ANP32A: variants seen among roughly 807,000 people sequenced by gnomAD.
ANP32A encodes acidic leucine-rich nuclear phosphoprotein 32 family member A.
Under a neutral mutation model 33.9 loss-of-function variants are expected in ANP32A, and 1 was observed. That is an observed-to-expected ratio of 0.03 (90% CI 0.01 to 0.14). The LOEUF (loss-of-function observed/expected upper bound fraction) is 0.14. Among genes scored for constraint, ANP32A ranks in the 10% least tolerant of loss-of-function variants. The pLI, the probability that ANP32A is intolerant of heterozygous loss-of-function variation, is 1.00. For synonymous variants in ANP32A, 115 were observed against 120.5 expected, an observed-to-expected ratio of 0.95 and a Z score of 0.30; for missense variants, 155 against 306.0, an observed-to-expected ratio of 0.51 and a Z score of 3.68.
At chr15:68,784,714 G>A in intron 3 of ANP32A, 119 bp from the exon 4 acceptor site, 1 of 1,180,164 alleles carries the variant, frequency 8.5e-7, no homozygotes, top group Non-Finnish European at 1.2e-6. Context: ...ACTTCCAGGT[G>A]ATAAGGAAGC....
intron 1 of ANP32A, among the ~76,000 whole-genome samples, chr15:68,794,035 TTTC>T (rs1349272751): frequency 1.3e-5 from 2 of 152,192 alleles, no homozygotes; most frequent in Non-Finnish European, 1.5e-5. Flanking sequence ...AAGTTCAATT[TTTC>T]TTCTTTTTAG....
intron 1 of ANP32A, among the ~76,000 whole-genome samples, chr15:68,803,635 A>G (rs1463305359): frequency 6.6e-6 from 1 of 152,072 alleles, no homozygotes; most frequent in African/African-American, 2.4e-5. Flanking sequence ...AAACCCACAC[A>G]CATTTCTTAA....
intron 1 of ANP32A, among the ~76,000 whole-genome samples, chr15:68,816,959 G>A (rs1012316478): frequency 2.4e-4 from 37 of 152,238 alleles, no homozygotes; most frequent in African/African-American, 8.9e-4. Context: ...ACCCAATTAG[G>A]CAGTAAGTCA....
At chr15:68,789,174 A>C (rs1286511041) in intron 1 of ANP32A, 1 of 152,292 alleles carries the variant, frequency 6.6e-6, no homozygotes, top group Non-Finnish European at 1.5e-5. Context: ...CACACCTGGT[A>C]TCTCAAAGAG....
chr15:68,800,835 A>G (rs959681794), intron 1 of ANP32A, among the ~76,000 whole-genome samples: 6 of 151,742 alleles, frequency 4.0e-5, no homozygotes, highest in Non-Finnish European at 7.4e-5. Context: ...AGGCCTATCC[A>G]AAGTGAGCTT....
At chr15:68,787,261 C>T in intron 3 of ANP32A, 152 bp downstream of exon 3, 2 of 1,125,110 alleles carry the variant, frequency 1.8e-6, no homozygotes, top group Non-Finnish European at 2.5e-6. Context: ...TCTATGGACT[C>T]AGCAGAAACA....
intron 1 of ANP32A, among the ~76,000 whole-genome samples, chr15:68,788,736 G>A (rs1893964372): frequency 6.6e-6 from 1 of 152,216 alleles, no homozygotes. Context: ...GAAGGAGAAT[G>A]GAAACCCACA....
At chr15:68,788,035 C>G in intron 1 of ANP32A, 116 bp from the exon 2 acceptor site, 1 of 1,266,328 alleles carries the variant, frequency 7.9e-7, no homozygotes. Flanking sequence ...GTCAGTCACT[C>G]CGTCACTTCT....
At chr15:68,784,353 C>A (rs774793916) in intron 4 of ANP32A, 44 bp downstream of exon 4, 5 of 1,599,446 alleles carry the variant, frequency 3.1e-6, no homozygotes. Flanking sequence ...GCCCCAAGGC[C>A]TCAGCTGGGC....
chr15:68,782,517 T>C (rs1046741736), intron 5 of ANP32A, among the ~76,000 whole-genome samples: 3 of 152,206 alleles, frequency 2.0e-5, no homozygotes, highest in Non-Finnish European at 2.9e-5. Context: ...TCTATTTCCA[T>C]AGTGTCACTC....
At chr15:68,793,417 A>AT (rs1176094470) in intron 1 of ANP32A, among the ~76,000 whole-genome samples, 1 of 152,196 alleles carries the variant, frequency 6.6e-6, no homozygotes, top group East Asian at 1.9e-4. Context: ...CCTGACCTGA[A>AT]TGACCCAGTG....
rs1157512373 is a variant in ANP32A, at chr15:68,780,714, A to T, written c.625-241T>A. 1 of 555,052 alleles carries T rather than the reference A, an allele frequency of 1.8e-6. No individual in the cohort carries two copies. The highest frequency in any genetic ancestry group is 2.8e-5 in the South Asian group (1 of 36,082). The allele number at this position is 555,052 out of a possible 1,614,324, so 34.4% of individuals were successfully genotyped here. On this transcript the variant is annotated intron_variant, in intron 5 of 6. Transcript: ENST00000465139. This position sits in a 1 kb window ranked among gnomAD's most constrained non-coding sequence, Gnocchi z 4.3. ...CCAGAAAATGTCCGTATCATTTATA[A>T]TATTTGCAAGCAGTTTCAGGGGGTT...
intron 1 of ANP32A, chr15:68,791,742 T>A (rs1466113993): frequency 6.6e-6 from 1 of 152,658 alleles, no homozygotes; most frequent in African/African-American, 2.4e-5. Flanking sequence ...CAGGGTGAGA[T>A]CACAGAGGGG....
intron 3 of ANP32A, among the ~76,000 whole-genome samples, chr15:68,785,010 C>G (rs1428028368): frequency 6.6e-6 from 1 of 152,178 alleles, no homozygotes; most frequent in Non-Finnish European, 1.5e-5. Context: ...CAAACTAACT[C>G]CTTCTGCATC....
In ANP32A at chr15:68,797,272, G is replaced by T. The variant is rs894989097; in HGVS notation, c.55-9353C>A. On this transcript the variant is annotated intron_variant, in intron 1 of 6. Transcript: ENST00000465139. Reference sequence around the variant, plus strand: ...TTGAGTGGCCTCCAAGATGCCTGGGGTGGGAGGAGAGGAGAGACCAGGATC... The same window carrying T: ...TTGAGTGGCCTCCAAGATGCCTGGGTTGGGAGGAGAGGAGAGACCAGGATC... 1.2e-4 allele frequency among the ~76,000 whole-genome samples: 18 copies of T among 152,064 alleles called. 1 individual carries two copies. The highest frequency in any genetic ancestry group is 9.2e-4 in the Admixed American group (14 of 15,272).
intron 1 of ANP32A, among the ~76,000 whole-genome samples, chr15:68,806,749 C>A (rs1220893635): frequency 6.6e-6 from 1 of 152,256 alleles, no homozygotes; most frequent in Non-Finnish European, 1.5e-5. Flanking sequence ...AGACCACAAC[C>A]AGGGTACACC....
chr15:68,794,313 C>G (rs1894035628), intron 1 of ANP32A, among the ~76,000 whole-genome samples: 1 of 152,216 alleles, frequency 6.6e-6, no homozygotes, highest in African/African-American at 2.4e-5. Flanking sequence ...GTTGGGGAAC[C>G]AGGAATGGTG....
chr15:68,785,317 T>G (rs16952530), intron 3 of ANP32A, among the ~76,000 whole-genome samples: 5,737 of 152,248 alleles, frequency 0.038, 371 homozygotes, highest in African/African-American at 0.13. Context: ...TAGCCAATGT[T>G]ATCCCTGTTT....
intron 1 of ANP32A, among the ~76,000 whole-genome samples, chr15:68,819,715 T>C (rs1894444474): frequency 6.6e-6 from 1 of 152,296 alleles, no homozygotes. Context: ...GGCTGGCATC[T>C]TGGGGAAGCC....
Sources: gnomAD v4.1 joint callset for allele counts (sites outside exome capture counted in the v4.1 genomes callset) on GRCh38, gnomAD v4.1.1 for gene constraint, Gnocchi (gnomAD v3.1) non-coding constraint, MANE v1.5 for transcripts, NCBI Gene and HGNC (gene_info 2026-07-23, HGNC 2026-07-21) for gene names.